The following COG6 variants were observed in gnomAD, a reference collection of about 807,000 sequenced individuals.
COG6 encodes conserved oligomeric Golgi complex subunit 6.
In COG6, 74 loss-of-function variants were observed where a neutral mutation model predicts 88.8. The ratio of observed to expected loss-of-function variants is 0.83; its 90% CI spans 0.69 to 1.01. COG6 has a LOEUF of 1.01. Ranked by LOEUF, COG6 falls within the 50% of genes least tolerant of loss-of-function variation. The probability of loss-of-function intolerance (pLI) is 0.00; values close to 1 mark genes in which losing one functional copy is unlikely to be tolerated. For missense variants in COG6, 800 were observed against 797.9 expected (o/e 1.00, Z -0.03); for synonymous variants, 286 against 278.7 (o/e 1.03, Z -0.26).
chr13:39,784,766 A>G (rs1881724292), intron 18 of COG6, among the ~76,000 whole-genome samples: 1 of 152,310 alleles, frequency 6.6e-6, no homozygotes, highest in Non-Finnish European at 1.5e-5. Context: ...AAGAGAATAG[A>G]AAGAGAGGAA....
chr13:39,689,731 AATATT>A lies in COG6; in HGVS notation c.1010-27_1010-23del, dbSNP rs1876870753. On this transcript the variant is annotated intron_variant, in intron 10 of 18. Transcript: ENST00000455146. ...TGAAGCAAAGTATAATATGGAAACA[AATATT>A]AATTATGTAGTCATTAATTTTAGGT... 4 of 1,505,586 alleles carry A rather than the reference AATATT, an allele frequency of 2.7e-6. No individual in the cohort carries two copies. The East Asian group carries it at 9.1e-5, about 34-fold the overall frequency. 93.3% of individuals were successfully genotyped at this position (1,505,586 alleles called of 1,614,324 possible).
intron 18 of COG6, among the ~76,000 whole-genome samples, chr13:39,787,635 TACACATACAAC>T (rs1881815539): frequency 6.6e-6 from 1 of 152,180 alleles, no homozygotes; most frequent in African/African-American, 2.4e-5. Flanking sequence ...TATACATATA[TACACATACAAC>T]ACACACACAC....
Position 39,746,601 on chromosome 13 carries a change from G to A in COG6, c.1827-4345G>A, listed in dbSNP as rs1880365137. Among the ~76,000 whole-genome samples the A allele has an allele frequency of 3.9e-5, 6 of 152,106 alleles. No individual in the cohort carries two copies. In the South Asian group the frequency reaches 1.0e-3, roughly 26 times the overall value. On this transcript the variant is annotated intron_variant, in intron 18 of 18. Transcript: ENST00000455146. ...TTTACATTTTGGACATTGATTATTTGTTACTATAATGATTCATTATTGTTT... is the reference window on the plus strand; with the variant it reads ...TTTACATTTTGGACATTGATTATTTATTACTATAATGATTCATTATTGTTT...
At chr13:39,657,292 A>G (rs1874579431) in intron 1 of COG6, among the ~76,000 whole-genome samples, 2 of 152,154 alleles carry the variant, frequency 1.3e-5, no homozygotes, top group South Asian at 2.1e-4. Flanking sequence ...CAGCCTCCCA[A>G]AGTGCTGGGA....
chr13:39,685,353 C>A (rs4943691), intron 8 of COG6, among the ~76,000 whole-genome samples: 62,780 of 151,934 alleles, frequency 0.41, 13,281 homozygotes, highest in Admixed American at 0.56. Flanking sequence ...ATTGAAGGTT[C>A]ACGTGGCTTA....
chr13:39,777,593 A>G (rs538302626), intron 18 of COG6, among the ~76,000 whole-genome samples: 17 of 152,294 alleles, frequency 1.1e-4, no homozygotes, highest in South Asian at 4.2e-4. Context: ...CCATGTGAAG[A>G]ACACACAGGA....
chr13:39,752,884 A>G (rs940446155), downstream of COG6, among the ~76,000 whole-genome samples: 12 of 152,194 alleles, frequency 7.9e-5, no homozygotes, highest in African/African-American at 2.9e-4. Flanking sequence ...TTCATTTGGC[A>G]TAAGTATAAC....
chr13:39,667,688 T>C (rs933034235), intron 4 of COG6, among the ~76,000 whole-genome samples: 1 of 152,166 alleles, frequency 6.6e-6, no homozygotes, highest in Non-Finnish European at 1.5e-5. Context: ...AAGTATGGAA[T>C]GTTAAGTGTA....
At chr13:39,660,275 A>G (rs1447209540) in intron 2 of COG6, among the ~76,000 whole-genome samples, 1 of 152,152 alleles carries the variant, frequency 6.6e-6, no homozygotes, top group Non-Finnish European at 1.5e-5. Flanking sequence ...AGTACACTAC[A>G]GCATCGAACT....
chr13:39,769,330 T>C (rs1881254218), intron 18 of COG6, among the ~76,000 whole-genome samples: 1 of 152,226 alleles, frequency 6.6e-6, no homozygotes, highest in African/African-American at 2.4e-5. Flanking sequence ...AACTTATACT[T>C]TCTCCAGCCA....
chr13:39,656,875 CAGTG>C (rs1405312698), intron 1 of COG6: 1 of 455,816 alleles, frequency 2.2e-6, no homozygotes, highest in East Asian at 6.9e-5. Flanking sequence ...TTTGAGGACT[CAGTG>C]AGAGACTCCA....
In COG6 at chr13:39,751,427, T is replaced by G; in HGVS notation, c.*334T>G. On this transcript the variant is annotated 3_prime_UTR_variant, in exon 19 of 19. Transcript: ENST00000455146. ...TTTTTTTACAAGACTAGTTCTAAATTAACAGCTTATAAAAAATTTGTCTAA... is the reference window on the plus strand; with the variant it reads ...TTTTTTTACAAGACTAGTTCTAAATGAACAGCTTATAAAAAATTTGTCTAA... 7.8e-7 allele frequency: 1 copy of G among 1,276,052 alleles called. No homozygotes were observed. The highest frequency in any genetic ancestry group is 1.5e-5 in the African/African-American group (1 of 65,812). The allele number at this position is 1,276,052 out of a possible 1,614,324, so 79.0% of individuals were successfully genotyped here. A position where few individuals can be genotyped will look rare whatever the true frequency, so the allele number is the denominator to read the frequency against.
At chr13:39,681,126 A>G (rs1050223251) in intron 7 of COG6, among the ~76,000 whole-genome samples, 5 of 152,344 alleles carry the variant, frequency 3.3e-5, no homozygotes, top group East Asian at 3.9e-4. Flanking sequence ...ACAAGCAAGC[A>G]TGGAACAGGA....
intron 13 of COG6, among the ~76,000 whole-genome samples, chr13:39,703,794 C>G (rs2138042552): frequency 6.6e-6 from 1 of 152,050 alleles, no homozygotes; most frequent in Admixed American, 6.6e-5. Context: ...TGTTGTTGCC[C>G]AGGATCGTAG....
chr13:39,656,162 CGA>C (rs1874478924), intron 1 of COG6: 2 of 581,654 alleles, frequency 3.4e-6, no homozygotes, highest in Non-Finnish European at 6.5e-6. Flanking sequence ...GGTGGTGCCT[CGA>C]GAAGTGTCCT....
chr13:39,680,662 G>T (rs1367020083), intron 7 of COG6, among the ~76,000 whole-genome samples: 1 of 152,198 alleles, frequency 6.6e-6, no homozygotes, highest in Non-Finnish European at 1.5e-5. Context: ...GCAGCACTGA[G>T]GTCTGTGTTT....
intron 18 of COG6, among the ~76,000 whole-genome samples, chr13:39,761,780 A>T (rs1006229199): frequency 6.6e-6 from 1 of 151,700 alleles, no homozygotes; most frequent in African/African-American, 2.4e-5. Flanking sequence ...AAAAAAAAAA[A>T]TGCTGAACAC....
chr13:39,769,863 G>A (rs1444143086), intron 18 of COG6, among the ~76,000 whole-genome samples: 2 of 152,158 alleles, frequency 1.3e-5, no homozygotes, highest in East Asian at 1.9e-4. Context: ...TTGAAGCAGA[G>A]AACAAGCCCT....
chr13:39,700,023 T>C (rs1319838756), intron 13 of COG6, among the ~76,000 whole-genome samples: 2 of 151,858 alleles, frequency 1.3e-5, no homozygotes, highest in Non-Finnish European at 2.9e-5. Context: ...TTATGAAATG[T>C]ATGCTCCTCT....
Sources: gnomAD v4.1 joint callset for allele counts (sites outside exome capture counted in the v4.1 genomes callset) on GRCh38, gnomAD v4.1.1 for gene constraint, MANE v1.5 for transcripts, NCBI Gene and HGNC (gene_info 2026-07-23, HGNC 2026-07-21) for gene names.